The following CSMD1 variants were observed in gnomAD, a reference collection of about 807,000 sequenced individuals.
CSMD1 encodes CUB and Sushi multiple domains 1.
In CSMD1, 213 loss-of-function variants were observed where a neutral mutation model predicts 417.5. The observed-to-expected ratio is 0.51, with a 90% CI of 0.46 to 0.57. The LOEUF (loss-of-function observed/expected upper bound fraction) is 0.57, where lower values mean the gene tolerates loss of function less well. CSMD1 is among the 20% of genes least tolerant of loss of function. CSMD1 has a pLI of 0.00. For synonymous variants in CSMD1, 2,862 were observed against 1,736.8 expected (o/e 1.65, Z -16.11); for missense variants, 6,923 against 4,529.7 (o/e 1.53, Z -15.17).
At chr8:3,684,201 G>A (rs1799815624) in intron 7 of CSMD1, among the ~76,000 whole-genome samples, 1 of 44,484 alleles carries the variant, frequency 2.2e-5, no homozygotes, top group Non-Finnish European at 3.8e-5. Flanking sequence ...TATATAACAT[G>A]TAATTATATA....
At chr8:4,238,728 T>C (rs1183591295) in intron 3 of CSMD1, among the ~76,000 whole-genome samples, 2 of 152,184 alleles carry the variant, frequency 1.3e-5, no homozygotes, top group African/African-American at 4.8e-5. Flanking sequence ...ATATTATCCT[T>C]CTCTTGCTTC....
intron 1 of CSMD1, among the ~76,000 whole-genome samples, chr8:4,654,638 G>C (rs543582568): frequency 6.6e-6 from 1 of 152,124 alleles, no homozygotes; most frequent in Non-Finnish European, 1.5e-5. Flanking sequence ...AATGGTTGAA[G>C]TCAGCTTAGA....
chr8:3,862,624 A>G (rs1156806859), intron 5 of CSMD1, among the ~76,000 whole-genome samples: 1 of 152,166 alleles, frequency 6.6e-6, no homozygotes, highest in African/African-American at 2.4e-5. Flanking sequence ...ATATTTCTCT[A>G]TTTGCTGAAT....
intron 7 of CSMD1, among the ~76,000 whole-genome samples, chr8:3,650,182 G>C (rs897970256): frequency 3.9e-5 from 6 of 152,028 alleles, no homozygotes; most frequent in Non-Finnish European, 7.3e-5. Flanking sequence ...GGGAGGCTGA[G>C]GTAGGAGAAT....
At chr8:3,363,839 G>C (rs982105331) in intron 20 of CSMD1, among the ~76,000 whole-genome samples, 16 of 152,214 alleles carry the variant, frequency 1.1e-4, no homozygotes, top group African/African-American at 1.4e-4. Context: ...TAAGTGTGGA[G>C]TATCCAGTGC....
rs555012956 is a variant in CSMD1, at chr8:3,368,500, C to G, written c.2899+754G>C. Reference sequence around the variant, plus strand: ...TACAGGCATGCACCACGATGCCTGGCTAATTATTTTGTATTTTTAGTAGAG... The same window carrying G: ...TACAGGCATGCACCACGATGCCTGGGTAATTATTTTGTATTTTTAGTAGAG... On this transcript the variant is annotated intron_variant, in intron 19 of 69. Coordinates refer to ENST00000635120, the MANE Select transcript of CSMD1 (RefSeq NM_033225.6). 2.6e-5 allele frequency among the ~76,000 whole-genome samples: 4 copies of G among 152,198 alleles called. No individual in the cohort carries two copies. The East Asian group carries it at 7.7e-4, about 29-fold the overall frequency.
At chr8:4,454,601 A>T (rs1799357404) in intron 2 of CSMD1, among the ~76,000 whole-genome samples, 1 of 152,112 alleles carries the variant, frequency 6.6e-6, no homozygotes, top group Non-Finnish European at 1.5e-5. Context: ...CTGGCTGGGG[A>T]AGGAGGGCAT....
At chr8:4,431,039 G>A (rs977999609) in intron 2 of CSMD1, among the ~76,000 whole-genome samples, 2 of 152,066 alleles carry the variant, frequency 1.3e-5, no homozygotes, top group African/African-American at 2.4e-5. Context: ...TGCTTCTTCA[G>A]AATAACTCGT....
At chr8:4,764,056 A>G (rs760874660) in intron 1 of CSMD1, among the ~76,000 whole-genome samples, 1 of 152,202 alleles carries the variant, frequency 6.6e-6, no homozygotes, top group Non-Finnish European at 1.5e-5. Context: ...TACGCTGGCA[A>G]CAGACAGCAC....
At chr8:4,144,417 C>T (rs145441874) in intron 3 of CSMD1, among the ~76,000 whole-genome samples, 2 of 151,164 alleles carry the variant, frequency 1.3e-5, no homozygotes, top group African/African-American at 4.9e-5. Flanking sequence ...CAGGAAAAAT[C>T]TGAAGTGAAG....
At chr8:4,745,039 T>C (rs1810865084) in intron 1 of CSMD1, among the ~76,000 whole-genome samples, 4 of 152,188 alleles carry the variant, frequency 2.6e-5, no homozygotes, top group Admixed American at 1.3e-4. Context: ...TGAACTAATA[T>C]ATATTCTTTT....
chr8:4,056,852 A>G (rs916295466), intron 3 of CSMD1, among the ~76,000 whole-genome samples: 3 of 152,210 alleles, frequency 2.0e-5, no homozygotes, highest in African/African-American at 7.2e-5. Context: ...ATGTCCCTAC[A>G]AAGGACATGA....
At chr8:3,152,212 C>A (rs757467712) in intron 39 of CSMD1, among the ~76,000 whole-genome samples, 2 of 152,276 alleles carry the variant, frequency 1.3e-5, no homozygotes, top group Non-Finnish European at 2.9e-5. Flanking sequence ...CTTATCTTGG[C>A]GACTCACATG....
At chr8:4,328,587 A>T (rs2128889178) in intron 3 of CSMD1, among the ~76,000 whole-genome samples, 1 of 152,264 alleles carries the variant, frequency 6.6e-6, no homozygotes, top group East Asian at 1.9e-4. Context: ...ATGAAAAAAA[A>T]TTAAAAATGA....
At chr8:4,944,020 A>C (rs78527809) in intron 1 of CSMD1, among the ~76,000 whole-genome samples, 2 of 152,166 alleles carry the variant, frequency 1.3e-5, no homozygotes, top group Non-Finnish European at 2.9e-5. Context: ...AAGACTTGGG[A>C]ATCAAAATAA....
chr8:3,799,343 C>T (rs560103141), intron 5 of CSMD1, among the ~76,000 whole-genome samples: 1 of 150,588 alleles, frequency 6.6e-6, no homozygotes, highest in Non-Finnish European at 1.5e-5. Flanking sequence ...GTGTGCTGCA[C>T]CCATTAACTC....
chr8:3,487,125 C>G (rs528589759), intron 11 of CSMD1, among the ~76,000 whole-genome samples: 3 of 152,180 alleles, frequency 2.0e-5, no homozygotes, highest in African/African-American at 7.2e-5. Context: ...TAGCATTATA[C>G]AGAAATGACT....
intron 1 of CSMD1, among the ~76,000 whole-genome samples, chr8:4,777,720 C>T (rs1019559485): frequency 2.0e-5 from 3 of 152,150 alleles, no homozygotes; most frequent in African/African-American, 7.2e-5. Flanking sequence ...TCTGCACCAA[C>T]CTAATGCATG....
chr8:3,647,465 A>C (rs1424581580), intron 7 of CSMD1, among the ~76,000 whole-genome samples: 1 of 152,226 alleles, frequency 6.6e-6, no homozygotes, highest in East Asian at 1.9e-4. Flanking sequence ...AGCATAGAGA[A>C]AAATACAGCA....
Sources: allele counts gnomAD v4.1 joint callset (sites outside exome capture counted in the v4.1 genomes callset), GRCh38; gene constraint gnomAD v4.1.1; transcripts MANE v1.5; gene names NCBI Gene and HGNC (gene_info 2026-07-23, HGNC 2026-07-21).